KSR2: variants seen among roughly 807,000 people sequenced by gnomAD.
KSR2 encodes the protein kinase suppressor of ras 2.
In KSR2, 25 loss-of-function variants were observed where a neutral mutation model predicts 107.8. The observed-to-expected ratio is 0.23, with a 90% confidence interval of 0.17 to 0.32. The LOEUF is 0.32. KSR2 is among the 10% of genes least tolerant of loss of function. The pLI, the probability that KSR2 is intolerant of heterozygous loss-of-function variation, is 1.00. For missense variants in KSR2, 887 were observed against 1,268.9 expected, an observed-to-expected ratio of 0.70 and a Z score of 4.57; for synonymous variants, 480 against 507.0, an observed-to-expected ratio of 0.95 and a Z score of 0.71.
chr12:117,516,528 G>A (rs1403129840), intron 14 of KSR2, among the ~76,000 whole-genome samples: 1 of 152,100 alleles, frequency 6.6e-6, no homozygotes, highest in East Asian at 1.9e-4. Flanking sequence ...TATTATTGTT[G>A]TTATTATATC....
intron 4 of KSR2, among the ~76,000 whole-genome samples, chr12:117,712,943 C>T (rs1172219907): frequency 1.3e-5 from 2 of 151,542 alleles, no homozygotes; most frequent in African/African-American, 4.8e-5. Flanking sequence ...ATATCTCATC[C>T]TTTTCTCATT....
chr12:117,812,896 C>T (rs146712839), intron 3 of KSR2, among the ~76,000 whole-genome samples: 86 of 141,828 alleles, frequency 6.1e-4, no homozygotes, highest in African/African-American at 2.3e-3. Flanking sequence ...GGAGGCATCA[C>T]ACCACCAGCA....
At chr12:117,641,657 C>T (rs894348766) in intron 5 of KSR2, among the ~76,000 whole-genome samples, 2 of 152,294 alleles carry the variant, frequency 1.3e-5, no homozygotes, top group Admixed American at 1.3e-4. Context: ...GACCCCGTTT[C>T]CAAATAAGGT....
intron 3 of KSR2, among the ~76,000 whole-genome samples, chr12:117,841,117 G>T (rs1285796669): frequency 6.6e-6 from 1 of 152,106 alleles, no homozygotes; most frequent in African/African-American, 2.4e-5. Context: ...GAGTGTATAA[G>T]TTGGTAATCA....
At chr12:117,487,104 T>G (rs1024937889) in intron 14 of KSR2, among the ~76,000 whole-genome samples, 15 of 152,206 alleles carry the variant, frequency 9.9e-5, no homozygotes, top group African/African-American at 3.6e-4. Context: ...CATGTAAAGG[T>G]GTAGGCACCT....
chr12:117,498,612 T>C (rs553104331), intron 14 of KSR2, among the ~76,000 whole-genome samples: 94 of 152,220 alleles, frequency 6.2e-4, no homozygotes, highest in African/African-American at 1.9e-3. Flanking sequence ...AGTGATACGA[T>C]TTGGCTGTGT....
At chr12:117,638,163 T>TTTGA (rs1555223780) in intron 5 of KSR2, among the ~76,000 whole-genome samples, 4 of 151,416 alleles carry the variant, frequency 2.6e-5, no homozygotes, top group African/African-American at 7.3e-5. Flanking sequence ...TTTAAAATCT[T>TTTGA]TTTATTTAGA....
At chr12:117,686,245 T>A (rs1885571038) in intron 4 of KSR2, among the ~76,000 whole-genome samples, 1 of 118,336 alleles carries the variant, frequency 8.5e-6, no homozygotes. Context: ...TTTTTTTTTT[T>A]AGCAGAGATG....
chr12:117,639,249 G>T (rs1020849752), intron 5 of KSR2, among the ~76,000 whole-genome samples: 3 of 151,848 alleles, frequency 2.0e-5, no homozygotes, highest in African/African-American at 7.3e-5. Flanking sequence ...CATATTAATA[G>T]ATTATAAACA....
At chr12:117,959,413 C>T (rs1343647884) in intron 1 of KSR2, among the ~76,000 whole-genome samples, 3 of 152,126 alleles carry the variant, frequency 2.0e-5, no homozygotes, top group African/African-American at 7.2e-5. Context: ...GATTCATCAG[C>T]ACCTTCCACA....
intron 1 of KSR2, among the ~76,000 whole-genome samples, chr12:117,861,649 A>G (rs1006951343): frequency 2.0e-5 from 3 of 151,746 alleles, no homozygotes; most frequent in Non-Finnish European, 4.4e-5. Context: ...CGGCCTCCCA[A>G]AGTGCTGGGA....
intron 8 of KSR2, among the ~76,000 whole-genome samples, chr12:117,558,011 TG>T (rs139639604): frequency 6.6e-6 from 1 of 152,276 alleles, no homozygotes; most frequent in African/African-American, 2.4e-5. Flanking sequence ...CTTCCCTATG[TG>T]GACAGGTTGA....
chr12:117,663,194 G>A (rs1346501992), intron 5 of KSR2, among the ~76,000 whole-genome samples: 1 of 152,220 alleles, frequency 6.6e-6, no homozygotes, highest in Non-Finnish European at 1.5e-5. Context: ...GAGCAAGCAA[G>A]TTTTAATGAA....
At chr12:117,883,949 A>G (rs1894101981) in intron 1 of KSR2, among the ~76,000 whole-genome samples, 1 of 151,952 alleles carries the variant, frequency 6.6e-6, no homozygotes, top group Admixed American at 6.6e-5. Flanking sequence ...AACCTACTAC[A>G]GTCACGGAAA....
At position 117,761,013 on chromosome 12, in the gene KSR2, G is replaced by C; in HGVS notation, c.984C>G (p.Pro328=). The change falls in exon 4 of 20, where the codon CCC becomes CCG. Residue 328 remains proline, a splice_region_variant and synonymous_variant. Coordinates refer to ENST00000339824, the MANE Select transcript of KSR2 (RefSeq NM_173598.6). ...GGGCACCCACCGATCGCACTCACTT[G>C]GGCGTGTGGGCCTCGTCCACGCGGT... ...LGHRVDEAHT[P]KAKKKSKPLN... 1 of 1,613,450 alleles carries C rather than the reference G, an allele frequency of 6.2e-7. No individual in the cohort carries two copies. The highest frequency in any genetic ancestry group is 8.5e-7 in the Non-Finnish European group (1 of 1,179,670).
At chr12:117,794,528 C>G (rs1890534222) in intron 3 of KSR2, among the ~76,000 whole-genome samples, 1 of 142,292 alleles carries the variant, frequency 7.0e-6, no homozygotes, top group Non-Finnish European at 1.5e-5. Flanking sequence ...CACCAACATG[C>G]ACACACAACA....
chr12:117,656,993 T>TA (rs1316323183), intron 5 of KSR2, among the ~76,000 whole-genome samples: 1 of 115,106 alleles, frequency 8.7e-6, no homozygotes, highest in Non-Finnish European at 1.8e-5. Context: ...TATATATATA[T>TA]ATATATATAT....
intron 3 of KSR2, among the ~76,000 whole-genome samples, chr12:117,819,588 T>C (rs926706632): frequency 1.3e-5 from 2 of 152,196 alleles, no homozygotes; most frequent in Non-Finnish European, 2.9e-5. Flanking sequence ...AAATGTTGAT[T>C]ATATCTCAGT....
chr12:117,572,596 A>G (rs1878963825), intron 7 of KSR2, among the ~76,000 whole-genome samples: 1 of 152,054 alleles, frequency 6.6e-6, no homozygotes, highest in African/African-American at 2.4e-5. Flanking sequence ...TAATCTGAGA[A>G]GAGAAAATGG....
Sources: allele counts gnomAD v4.1 joint callset (sites outside exome capture counted in the v4.1 genomes callset), GRCh38; gene constraint gnomAD v4.1.1; transcripts MANE v1.5; gene names NCBI Gene and HGNC (gene_info 2026-07-23, HGNC 2026-07-21).